NBEAL2: variants seen among roughly 807,000 people sequenced by gnomAD.
NBEAL2 encodes neurobeachin like 2.
In NBEAL2, 160 loss-of-function variants were observed where a neutral mutation model predicts 299.8. The ratio of observed to expected loss-of-function variants is 0.53; its 90% CI spans 0.47 to 0.61. The LOEUF (loss-of-function observed/expected upper bound fraction) is 0.61, where lower values mean the gene tolerates loss of function less well. Ranked by LOEUF, NBEAL2 falls within the 20% of genes least tolerant of loss-of-function variation. The probability of loss-of-function intolerance (pLI) is 0.00; values close to 1 mark genes in which losing one functional copy is unlikely to be tolerated. For missense variants in NBEAL2, 3,112 were observed against 3,649.0 expected (o/e 0.85, Z 3.79); for synonymous variants, 1,493 against 1,542.3 (o/e 0.97, Z 0.75).
In NBEAL2 at chr3:46,991,059, C is replaced by T. The variant is rs571121761; in HGVS notation, c.557-160C>T. ...CTATACAGCCATAACTCCTTAGATG[C>T]CCCCCAGGGCAGAGCCAGCTCTTAT... On this transcript the variant is annotated intron_variant, in intron 6 of 53. Transcript: ENST00000450053. This position sits in a 1 kb window ranked among gnomAD's most constrained non-coding sequence, Gnocchi z 6.2. Among the ~76,000 whole-genome samples, 1 of 152,198 alleles carries T rather than the reference C, an allele frequency of 6.6e-6. No homozygotes were observed. The highest frequency in any genetic ancestry group is 1.9e-4 in the East Asian group (1 of 5,174).
rs369241368 is a variant in NBEAL2 at position 46,988,802 on chromosome 3, T to C, written c.141-40T>C. ...GAGGGCAGGGACAGAGCAGGGAGATTGAGGGGTCCTCAGCACCCGTGTCTC... is the reference window on the plus strand; with the variant it reads ...GAGGGCAGGGACAGAGCAGGGAGATCGAGGGGTCCTCAGCACCCGTGTCTC... On this transcript the variant is annotated intron_variant, in intron 2 of 53. Coordinates refer to ENST00000450053, the MANE Select transcript of NBEAL2 (RefSeq NM_015175.3). This position sits in a 1 kb window ranked among gnomAD's most constrained non-coding sequence, Gnocchi z 4.4. 48 of 1,604,296 alleles carry C rather than the reference T, an allele frequency of 3.0e-5. No individual in the cohort carries two copies. In the African/African-American group the frequency reaches 6.3e-4, roughly 21 times the overall value.
chr3:47,001,392 TC>T lies in NBEAL2; in HGVS notation c.4600del (p.Leu1534CysfsTer68). Reference sequence around the variant, plus strand: ...TGGCTGCTGCGTCTGCTGCAGGACTTCCTGTGTGCTGAAGGCCATGGTAACC... The same window carrying T: ...TGGCTGCTGCGTCTGCTGCAGGACTTCTGTGTGCTGAAGGCCATGGTAACC... ...ALWLLRLLQDFLCAEGHGNQE... is the reference protein window; with the variant it reads ...ALWLLRLLQDXLCAEGHGNQE... On this transcript the variant is annotated frameshift_variant, in exon 29 of 54. Transcript: ENST00000450053. LOFTEE classifies it high-confidence loss of function. This position sits in a 1 kb window ranked among gnomAD's most constrained non-coding sequence, Gnocchi z 6.1. 6.2e-7 allele frequency: 1 copy of T among 1,613,174 alleles called. No individual in the cohort carries two copies. Among genetic ancestry groups the T allele is most frequent in the Non-Finnish European group, 8.5e-7 (1 of 1,179,854 alleles).
In NBEAL2 at chr3:46,998,585, A is replaced by G; in HGVS notation, c.3221+20A>G. ...CTACAGGTGAGGCCAGTGGGGCCAG[A>G]TGGGCCATGGGGGGCTGACACAGTG... On this transcript the variant is annotated intron_variant, in intron 22 of 53. Transcript: ENST00000450053. The G allele has an allele frequency of 6.2e-7, 1 of 1,600,352 alleles. No individual in the cohort carries two copies. The highest frequency in any genetic ancestry group is 8.5e-7 in the Non-Finnish European group (1 of 1,173,720).
In NBEAL2 at chr3:47,000,196, G is replaced by C. The variant is rs770321022; in HGVS notation, c.4097G>C (p.Gly1366Ala). 6.2e-7 allele frequency: 1 copy of C among 1,613,756 alleles called. No homozygotes were observed. Among genetic ancestry groups the C allele is most frequent in the Non-Finnish European group, 8.5e-7 (1 of 1,179,884 alleles). ...CTGGGCCTGGAACGGTCTAGTGTAG[G>C]ATCAGGCAACACTGCTGGTGGTGGC... ...FDLGLERSSV[G>A]SGNTAGGGGS... Residue 1366 changes from glycine (G) to alanine (A), a missense_variant, in exon 27 of 54, where the codon GGA becomes GCA. Gly to Ala is a moderately conservative substitution (Grantham distance 60, BLOSUM62 0). This residue lies in a region of NBEAL2 where 2,243 missense variants were observed against 2,538.1 expected (regional missense o/e 0.88). Coordinates refer to ENST00000450053, the MANE Select transcript of NBEAL2 (RefSeq NM_015175.3). This position sits in a 1 kb window ranked among gnomAD's most constrained non-coding sequence, Gnocchi z 4.5.
chr3:47,002,840 G>A, intron 33 of NBEAL2, 38 bp downstream of exon 33: 1 of 1,550,148 alleles, frequency 6.5e-7, no homozygotes, highest in Non-Finnish European at 8.7e-7. Flanking sequence ...GTGGAGGGGT[G>A]GGGCTTGGGA....
chr3:47,009,505 C>G lies in NBEAL2; in HGVS notation c.*185C>G. 1 of 640,306 alleles carries G rather than the reference C, an allele frequency of 1.6e-6. No individual in the cohort carries two copies. The highest frequency in any genetic ancestry group is 1.9e-5 in the South Asian group (1 of 51,950). The allele number at this position is 640,306 out of a possible 1,614,324, so 39.7% of individuals were successfully genotyped here. ...GGGATTGGCGGGCGGAAGTCCCGCC[C>G]CTCGCCGGCTGAGGGGCCGCCCTGA... On this transcript the variant is annotated 3_prime_UTR_variant, in exon 54 of 54. Coordinates refer to ENST00000450053, the MANE Select transcript of NBEAL2 (RefSeq NM_015175.3).
chr3:46,997,638 C>T lies in NBEAL2; in HGVS notation c.2902C>T (p.Gln968Ter). The change falls in exon 20 of 54, where the codon CAA becomes TAA. Residue 968 changes from glutamine to a stop codon, truncating the protein, a stop_gained. Coordinates refer to ENST00000450053, the MANE Select transcript of NBEAL2 (RefSeq NM_015175.3). LOFTEE classifies it high-confidence loss of function. Reference sequence around the variant, plus strand: ...CTTCCTTCAGGGTCACATGGTGAACCAAGAGAGCCTGGTGCAGTGCCAGGG... The same window carrying T: ...CTTCCTTCAGGGTCACATGGTGAACTAAGAGAGCCTGGTGCAGTGCCAGGG... ...RNFLQGHMVN[Q>*]ESLVQCQGPA... 6.3e-7 allele frequency: 1 copy of T among 1,592,764 alleles called. No individual in the cohort carries two copies. The highest frequency in any genetic ancestry group is 8.6e-7 in the Non-Finnish European group (1 of 1,165,316).
At chr3:47,002,597 G>A (rs976835318) in intron 32 of NBEAL2, 48 bp from the exon 33 acceptor site, 2 of 1,607,132 alleles carry the variant, frequency 1.2e-6, no homozygotes, top group Middle Eastern at 1.7e-4. Flanking sequence ...TGGAGAAACG[G>A]GTAGGGCAGG....
Position 46,993,994 on chromosome 3 carries a change from A to G in NBEAL2, c.1171A>G (p.Ile391Val), listed in dbSNP as rs1380864497. Residue 391 changes from isoleucine to valine, a missense_variant, in exon 11 of 54, where the codon ATC (isoleucine) becomes GTC (valine). This residue lies in a region of NBEAL2 where 2,243 missense variants were observed against 2,538.1 expected (regional missense o/e 0.88). Transcript: ENST00000450053. ...CCATGTAGTCAGAGTGCTGACCTGCATCATGAGTGACTCCCCCTCGGCCAA... is the reference window on the plus strand; with the variant it reads ...CCATGTAGTCAGAGTGCTGACCTGCGTCATGAGTGACTCCCCCTCGGCCAA... ...AVHVVRVLTCIMSDSPSAKEV... is the reference protein window; with the variant it reads ...AVHVVRVLTCVMSDSPSAKEV... 1.2e-6 allele frequency: 2 copies of G among 1,611,800 alleles called. No homozygotes were observed. Among genetic ancestry groups the G allele is most frequent in the South Asian group, 1.1e-5 (1 of 90,548 alleles).
At chr3:47,007,196 C>T in intron 46 of NBEAL2, 41 bp downstream of exon 46, 1 of 1,610,590 alleles carries the variant, frequency 6.2e-7, no homozygotes, top group Non-Finnish European at 8.5e-7. Flanking sequence ...CTCCACTCCC[C>T]CTTGCCTCTG....
At position 46,998,072 on chromosome 3, in the gene NBEAL2, A is replaced by C; in HGVS notation, c.2964A>C (p.Pro988=). The C allele has an allele frequency of 6.4e-7, 1 of 1,568,108 alleles. No homozygotes were observed. ...AIIGALLRKV[P]SWAMDMNVLM... is the part of the protein sequence containing the mutation. ...CAGCTCCTGTCTTATCCCAGGTCCC[A>C]AGCTGGGCCATGGACATGAACGTGC... Residue 988 remains proline, a synonymous_variant, in exon 21 of 54, where the codon CCA becomes CCC. Transcript: ENST00000450053.
rs1480221232 is a variant in NBEAL2 at position 46,988,899 on chromosome 3, G to T, written c.198G>T (p.Leu66=). Reference sequence around the variant, plus strand: ...TACCACTGGATGAGCTGCATGTGCTGGCCGAACAGCTGCACCAGGCTGACC... The same window carrying T: ...TACCACTGGATGAGCTGCATGTGCTTGCCGAACAGCTGCACCAGGCTGACC... ...PLLPLDELHV[L]AEQLHQADLE... The change falls in exon 3 of 54, where the codon CTG becomes CTT. Residue 66 remains leucine, a synonymous_variant. Transcript: ENST00000450053. The surrounding 1 kb of genome is among the most constrained non-coding windows in gnomAD (Gnocchi z 4.4). 44 of 1,612,718 alleles carry T rather than the reference G, an allele frequency of 2.7e-5. No individual in the cohort carries two copies. In the East Asian group the frequency reaches 9.6e-4, roughly 35 times the overall value.
chr3:46,981,951 G>A (rs910519855), intron 1 of NBEAL2: 1 of 152,490 alleles, frequency 6.6e-6, no homozygotes, highest in African/African-American at 2.4e-5. Flanking sequence ...CAGGTATGGA[G>A]CATAGGCTGG....
Position 46,996,750 on chromosome 3 carries a change from G to A in NBEAL2, c.2474-1G>A. The A allele has an allele frequency of 6.2e-7, 1 of 1,611,952 alleles. No homozygotes were observed. The highest frequency in any genetic ancestry group is 1.1e-5 in the South Asian group (1 of 90,994). On this transcript the variant is annotated splice_acceptor_variant, in intron 16 of 53. Transcript: ENST00000450053. LOFTEE classifies it high-confidence loss of function. ...TCTGAAGCCCCCTGCCCACCTCCCAGGGCCCAATGAGACGGCACCCTTCAA... is the reference window on the plus strand; with the variant it reads ...TCTGAAGCCCCCTGCCCACCTCCCAAGGCCCAATGAGACGGCACCCTTCAA...
In NBEAL2 at chr3:47,003,895, G is replaced by A. The variant is rs946047950; in HGVS notation, c.5800G>A (p.Val1934Met). Residue 1934 changes from valine (V) to methionine (M), a missense_variant, in exon 36 of 54, where the codon GTG (valine) becomes ATG (methionine). This residue lies in a region of NBEAL2 where 521 missense variants were observed against 729.6 expected (regional missense o/e 0.71). Transcript: ENST00000450053. This position sits in a 1 kb window ranked among gnomAD's most constrained non-coding sequence, Gnocchi z 7.0. ...GTGCCAGCTGGTGACGGTAGTGGCC[G>A]TGGTCCCAGGGCTGCTGGAGGTCAC... ...AECQLVTVVA[V>M]VPGLLEVTTQ... 5.6e-6 allele frequency: 9 copies of A among 1,613,608 alleles called. No individual in the cohort carries two copies. The highest frequency in any genetic ancestry group is 2.7e-5 in the African/African-American group (2 of 74,888).
Position 46,979,924 on chromosome 3 carries a change from C to T in NBEAL2, c.51+12C>T, listed in dbSNP as rs1488630942. The T allele has an allele frequency of 2.6e-6, 1 of 380,696 alleles. No individual in the cohort carries two copies. Among genetic ancestry groups the T allele is most frequent in the East Asian group, 4.1e-5 (1 of 24,368 alleles). 23.6% of individuals were successfully genotyped at this position (380,696 alleles called of 1,614,324 possible). ...TCTACTACGCGCAGGTGAGCCCGCCCCGCCCCGCGCCCGCACCCGCACCCG... is the reference window on the plus strand; with the variant it reads ...TCTACTACGCGCAGGTGAGCCCGCCTCGCCCCGCGCCCGCACCCGCACCCG... On this transcript the variant is annotated intron_variant, in intron 1 of 53. Transcript: ENST00000450053.
chr3:46,995,991 T>C lies in NBEAL2; in HGVS notation c.2091T>C (p.His697=), dbSNP rs751937569. ...GGCCCTTCAGCCAGAACCTGGTCCATGTCTACAAAGACGGCCATCTGGTCA... is the reference window on the plus strand; with the variant it reads ...GGCCCTTCAGCCAGAACCTGGTCCACGTCTACAAAGACGGCCATCTGGTCA... The part of the protein sequence containing the change: ...GRRPFSQNLV[H]VYKDGHLVKT... Residue 697 remains histidine (H), a synonymous_variant, in exon 15 of 54, where the codon CAT becomes CAC. Coordinates refer to ENST00000450053, the MANE Select transcript of NBEAL2 (RefSeq NM_015175.3). 1 of 1,613,082 alleles carries C rather than the reference T, an allele frequency of 6.2e-7. No homozygotes were observed. Among genetic ancestry groups the C allele is most frequent in the African/African-American group, 1.3e-5 (1 of 75,056 alleles).
In NBEAL2 at chr3:46,979,785, G is replaced by A. The variant is rs2035173750; in HGVS notation, c.-77G>A. On this transcript the variant is annotated 5_prime_UTR_variant, in exon 1 of 54. Coordinates refer to ENST00000450053, the MANE Select transcript of NBEAL2 (RefSeq NM_015175.3). The stretch of plus-strand genomic sequence containing the variant: ...AGTGACGCCCTCCGCCCATGGGCCT[G>A]GCCGAGGGCAACCGGCGGGCGGCGC... 2.7e-6 allele frequency: 1 copy of A among 377,324 alleles called. No homozygotes were observed. Among genetic ancestry groups the A allele is most frequent in the South Asian group, 8.7e-5 (1 of 11,460 alleles). 23.4% of individuals were successfully genotyped at this position (377,324 alleles called of 1,614,324 possible).
Position 47,004,711 on chromosome 3 carries a change from C to A in NBEAL2, c.6294+121C>A. On this transcript the variant is annotated intron_variant, in intron 38 of 53. Transcript: ENST00000450053. This position sits in a 1 kb window ranked among gnomAD's most constrained non-coding sequence, Gnocchi z 5.0. Reference sequence around the variant, plus strand: ...TGAGCTTGGTCAAGGGTAGATGTGCCAATGAAGACCTGGCCTCTGTTCCCT... The same window carrying A: ...TGAGCTTGGTCAAGGGTAGATGTGCAAATGAAGACCTGGCCTCTGTTCCCT... 1 of 1,119,556 alleles carries A rather than the reference C, an allele frequency of 8.9e-7. No individual in the cohort carries two copies. Among genetic ancestry groups the A allele is most frequent in the Non-Finnish European group, 1.3e-6 (1 of 752,100 alleles). The allele number at this position is 1,119,556 out of a possible 1,614,324, so 69.4% of individuals were successfully genotyped here.
Sources: allele counts gnomAD v4.1 joint callset (sites outside exome capture counted in the v4.1 genomes callset), GRCh38; gene constraint gnomAD v4.1.1; regional missense constraint gnomAD v4.1.1; non-coding constraint Gnocchi (gnomAD v3.1); transcripts MANE v1.5; gene names NCBI Gene and HGNC (gene_info 2026-07-23, HGNC 2026-07-21).